Variants in ATP2B2 observed in about 807,000 individuals in gnomAD.
ATP2B2 encodes the protein ATPase plasma membrane Ca2+ transporting 2, also known as plasma membrane calcium-transporting ATPase 2.
A neutral mutation model predicts 120.0 loss-of-function variants in ATP2B2; 15 were observed. The ratio of observed to expected loss-of-function variants is 0.12; its 90% CI spans 0.08 to 0.19. The LOEUF (loss-of-function observed/expected upper bound fraction) is 0.19. Ranked by LOEUF, ATP2B2 falls within the 10% of genes least tolerant of loss-of-function variation. ATP2B2 has a pLI of 1.00. For missense variants in ATP2B2, 1,045 were observed against 1,719.8 expected, an observed-to-expected ratio of 0.61 and a Z score of 6.94; for synonymous variants, 694 against 700.3, an observed-to-expected ratio of 0.99 and a Z score of 0.14.
chr3:10,645,014 A>C (rs547702417), intron 1 of ATP2B2, among the ~76,000 whole-genome samples: 1 of 152,322 alleles, frequency 6.6e-6, no homozygotes, highest in East Asian at 1.9e-4. Context: ...ATATACCATG[A>C]AGGATTTATG....
intron 3 of ATP2B2, among the ~76,000 whole-genome samples, chr3:10,527,059 T>C (rs1202379877): frequency 6.6e-6 from 1 of 152,214 alleles, no homozygotes; most frequent in East Asian, 1.9e-4. Flanking sequence ...CTAAACCGTT[T>C]GCAAACACAG....
chr3:10,509,301 C>T (rs374124196), upstream of ATP2B2, among the ~76,000 whole-genome samples: 2 of 152,286 alleles, frequency 1.3e-5, no homozygotes, highest in African/African-American at 4.8e-5. Context: ...TACCCCTGCC[C>T]TTGCCTTGCC....
intron 1 of ATP2B2, among the ~76,000 whole-genome samples, chr3:10,677,074 CA>C (rs1559516897): frequency 1.3e-5 from 2 of 152,218 alleles, no homozygotes; most frequent in African/African-American, 4.8e-5. Context: ...TTACCCAAAG[CA>C]GTTGAGAACT....
At chr3:10,624,144 G>A (rs1309489718) in intron 1 of ATP2B2, among the ~76,000 whole-genome samples, 1 of 152,160 alleles carries the variant, frequency 6.6e-6, no homozygotes. Flanking sequence ...GTTTGACCCA[G>A]TATTTCCCAT....
chr3:10,448,815 C>T lies in ATP2B2; in HGVS notation c.199+530G>A, dbSNP rs372499524. ...GCCCAGTGGCAGGGAATTGGCTGCACATTAGTCATGCTATGGTTCCACACT... is the reference window on the plus strand; with the variant it reads ...GCCCAGTGGCAGGGAATTGGCTGCATATTAGTCATGCTATGGTTCCACACT... On this transcript the variant is annotated intron_variant, in intron 2 of 22. Coordinates refer to ENST00000360273, the MANE Select transcript of ATP2B2 (RefSeq NM_001001331.4). Among the ~76,000 whole-genome samples, 23 of 152,318 alleles carry T rather than the reference C, an allele frequency of 1.5e-4. No homozygotes were observed. The East Asian group carries it at 3.9e-3, about 26-fold the overall frequency.
At chr3:10,610,081 AC>A (rs2069188982) in intron 2 of ATP2B2, among the ~76,000 whole-genome samples, 1 of 99,460 alleles carries the variant, frequency 1.0e-5, no homozygotes. Flanking sequence ...ACACATACAC[AC>A]ACACACACAC....
At position 10,340,203 on chromosome 3, in the gene ATP2B2, C is replaced by G; in HGVS notation, c.3237+39G>C. The G allele has an allele frequency of 6.3e-7, 1 of 1,598,096 alleles. No individual in the cohort carries two copies. Among genetic ancestry groups the G allele is most frequent in the Non-Finnish European group, 8.6e-7 (1 of 1,167,452 alleles). Reference sequence around the variant, plus strand: ...TCCATCCAGTGCTGTCTCCCTTGCCCTGCTAACAGGCACCTCCTGCGACCT... The same window carrying G: ...TCCATCCAGTGCTGTCTCCCTTGCCGTGCTAACAGGCACCTCCTGCGACCT... On this transcript the variant is annotated intron_variant, in intron 21 of 22. Transcript: ENST00000360273. This position sits in a 1 kb window ranked among gnomAD's most constrained non-coding sequence, Gnocchi z 5.0.
chr3:10,665,499 G>A (rs1346674153), intron 1 of ATP2B2, among the ~76,000 whole-genome samples: 1 of 152,002 alleles, frequency 6.6e-6, no homozygotes, highest in Non-Finnish European at 1.5e-5. Context: ...CCTGGAATAG[G>A]GGCTGCCTCC....
intron 22 of ATP2B2, among the ~76,000 whole-genome samples, chr3:10,330,623 GC>G (rs2059953850): frequency 2.0e-5 from 3 of 152,252 alleles, no homozygotes; most frequent in Admixed American, 6.5e-5. Context: ...CAGAGCAGTG[GC>G]TGCCCTGCAC....
At chr3:10,607,851 T>C (rs1203447056) in intron 2 of ATP2B2, among the ~76,000 whole-genome samples, 1 of 152,182 alleles carries the variant, frequency 6.6e-6, no homozygotes. Context: ...GGGTTTACCA[T>C]GAAGCTTGCT....
intron 22 of ATP2B2, among the ~76,000 whole-genome samples, chr3:10,334,970 A>C (rs1317182899): frequency 2.0e-5 from 3 of 152,232 alleles, no homozygotes; most frequent in Non-Finnish European, 4.4e-5. Flanking sequence ...GCTCCCCTGC[A>C]GATCAGAAGC....
Position 10,335,811 on chromosome 3 carries a change from C to T in ATP2B2, c.3420+2365G>A, listed in dbSNP as rs184323043. 6.6e-5 allele frequency among the ~76,000 whole-genome samples: 10 copies of T among 152,282 alleles called. No individual in the cohort carries two copies. The East Asian group carries it at 7.7e-4, about 12-fold the overall frequency. ...TCCATGTCTGTCCCCCTCTGGCTGC[C>T]GGGACCCTGTGGTGGGTTGGGACCA... On this transcript the variant is annotated intron_variant, in intron 22 of 22. Coordinates refer to ENST00000360273, the MANE Select transcript of ATP2B2 (RefSeq NM_001001331.4).
intron 5 of ATP2B2, among the ~76,000 whole-genome samples, chr3:10,398,763 G>GAGCTCCCCA (rs769952714): frequency 3.7e-4 from 57 of 152,284 alleles, no homozygotes; most frequent in Admixed American, 2.3e-3. Context: ...CACAGCCAGA[G>GAGCTCCCCA]AGCTCCCCAA....
intron 5 of ATP2B2, among the ~76,000 whole-genome samples, chr3:10,398,178 G>C (rs1361147729): frequency 6.6e-6 from 1 of 152,158 alleles, no homozygotes; most frequent in Non-Finnish European, 1.5e-5. Context: ...CATTGCAACA[G>C]GATAGAGCTC....
chr3:10,350,872 T>C (rs2060560383), intron 14 of ATP2B2, among the ~76,000 whole-genome samples: 1 of 152,192 alleles, frequency 6.6e-6, no homozygotes, highest in Non-Finnish European at 1.5e-5. Flanking sequence ...GACAGAACCA[T>C]TGGCTGTCTC....
chr3:10,589,690 G>A (rs768391181), intron 2 of ATP2B2, among the ~76,000 whole-genome samples: 3 of 152,144 alleles, frequency 2.0e-5, no homozygotes, highest in Non-Finnish European at 4.4e-5. Flanking sequence ...TTAGTTCAGT[G>A]CCCAGCACTT....
chr3:10,406,472 G>C (rs1309189625), intron 3 of ATP2B2, among the ~76,000 whole-genome samples: 1 of 152,156 alleles, frequency 6.6e-6, no homozygotes, highest in South Asian at 2.1e-4. Flanking sequence ...CATTTCTACT[G>C]TACCTTCTCT....
chr3:10,638,687 G>T (rs1575583049), intron 1 of ATP2B2, among the ~76,000 whole-genome samples: 1 of 152,250 alleles, frequency 6.6e-6, no homozygotes, highest in East Asian at 1.9e-4. Context: ...GGATTAAAAA[G>T]CAAAGTACAA....
At position 10,347,753 on chromosome 3, in the gene ATP2B2, C is replaced by G. The variant is rs3846110; in HGVS notation, c.2405-1616G>C. ...GGCTCCCAGGTGGTGCGGACCGTTG[C>G]GTAGCTCAAGCTGTGCGGAAAGCTG... On this transcript the variant is annotated intron_variant, in intron 16 of 22. Transcript: ENST00000360273. This position sits in a 1 kb window ranked among gnomAD's most constrained non-coding sequence, Gnocchi z 5.2. 6.6e-6 allele frequency among the ~76,000 whole-genome samples: 1 copy of G among 152,204 alleles called. No homozygotes were observed. The highest frequency in any genetic ancestry group is 2.4e-5 in the African/African-American group (1 of 41,450).
Sources: allele counts gnomAD v4.1 joint callset (sites outside exome capture counted in the v4.1 genomes callset), GRCh38; gene constraint gnomAD v4.1.1; non-coding constraint Gnocchi (gnomAD v3.1); transcripts MANE v1.5; gene names NCBI Gene and HGNC (gene_info 2026-07-23, HGNC 2026-07-21).